Variants in RNF145 observed in about 807,000 individuals in gnomAD.
The protein encoded by RNF145 is ring finger protein 145.
Under a neutral mutation model 57.3 loss-of-function variants are expected in RNF145, and 12 were observed. The observed-to-expected ratio is 0.21, with a 90% CI of 0.13 to 0.34. RNF145 has a LOEUF of 0.34. Among genes scored for constraint, RNF145 ranks in the 10% least tolerant of loss-of-function variants. RNF145 has a pLI of 1.00. For synonymous variants in RNF145, 262 were observed against 288.3 expected (o/e 0.91, Z 0.92); for missense variants, 429 against 799.0 (o/e 0.54, Z 5.58).
intron 1 of RNF145, among the ~76,000 whole-genome samples, chr5:159,203,886 T>C (rs551490733): frequency 6.6e-6 from 1 of 152,316 alleles, no homozygotes; most frequent in East Asian, 1.9e-4. Flanking sequence ...GATTAAATGT[T>C]CTGGCCTCAA....
At chr5:159,209,711 G>A, upstream of RNF145, 1 of 1,058,436 alleles carries the variant, frequency 9.4e-7, no homozygotes, top group Non-Finnish European at 1.4e-6. Context: ...GCCTAGCCAA[G>A]CCCATACAGC....
intron 3 of RNF145, among the ~76,000 whole-genome samples, chr5:159,185,701 A>C (rs1324112526): frequency 6.6e-6 from 1 of 152,246 alleles, no homozygotes; most frequent in East Asian, 1.9e-4. Context: ...ACAATTTTTC[A>C]TTTCAGAAGA....
intron 5 of RNF145, among the ~76,000 whole-genome samples, chr5:159,176,265 G>T (rs1784716351): frequency 6.6e-6 from 1 of 152,006 alleles, no homozygotes; most frequent in Non-Finnish European, 1.5e-5. Context: ...ATGGAACATT[G>T]TCTGCCTGGT....
chr5:159,184,526 G>A (rs1171124587), intron 3 of RNF145, among the ~76,000 whole-genome samples: 1 of 152,134 alleles, frequency 6.6e-6, no homozygotes, highest in Non-Finnish European at 1.5e-5. Context: ...GATCAGTGCT[G>A]TAAGAAAAAA....
chr5:159,164,332 G>C (rs1784326141), intron 8 of RNF145, among the ~76,000 whole-genome samples: 1 of 152,126 alleles, frequency 6.6e-6, no homozygotes, highest in Non-Finnish European at 1.5e-5. Flanking sequence ...TTTAAAGAAA[G>C]GCAGTAGCTG....
intron 3 of RNF145, among the ~76,000 whole-genome samples, chr5:159,187,494 A>AT (rs1245732154): frequency 4.6e-5 from 7 of 151,588 alleles, no homozygotes; most frequent in Admixed American, 2.6e-4. Context: ...TGCCCGGCTA[A>AT]TTTTTTGTAT....
At chr5:159,199,316 A>G (rs1304049852) in intron 2 of RNF145, among the ~76,000 whole-genome samples, 1 of 152,108 alleles carries the variant, frequency 6.6e-6, no homozygotes, top group Non-Finnish European at 1.5e-5. Context: ...GGCAATATCA[A>G]CACTTGAGAA....
chr5:159,180,145 A>T (rs543784870), intron 4 of RNF145, among the ~76,000 whole-genome samples: 16 of 151,968 alleles, frequency 1.1e-4, no homozygotes, highest in African/African-American at 3.9e-4. Flanking sequence ...ACTTAACTGG[A>T]CTCTTACAAT....
At position 159,186,398 on chromosome 5, in the gene RNF145, G is replaced by A. The variant is rs1464713147; in HGVS notation, c.294-4347C>T. 2.6e-5 allele frequency among the ~76,000 whole-genome samples: 4 copies of A among 152,144 alleles called. No homozygotes were observed. The East Asian group carries it at 7.7e-4, about 29-fold the overall frequency. On this transcript the variant is annotated intron_variant, in intron 3 of 10. Transcript: ENST00000424310. ...CCTTTATTATAACAGTCTCTTCAGC[G>A]ACCTGACTCAGACACTGGACAACCT...
chr5:159,159,739 T>C (rs1784152563), intron 10 of RNF145, among the ~76,000 whole-genome samples: 1 of 152,252 alleles, frequency 6.6e-6, no homozygotes, highest in Admixed American at 6.5e-5. Flanking sequence ...ACCACTGGAA[T>C]AAGGAGTGGT....
intron 1 of RNF145, chr5:159,208,261 A>G (rs1238124073): frequency 1.4e-6 from 1 of 722,172 alleles, no homozygotes; most frequent in African/African-American, 1.8e-5. Context: ...GATTACGTTC[A>G]GCAAAAACTC....
At chr5:159,194,653 T>C (rs1458654760) in intron 3 of RNF145, 63 bp downstream of exon 3, 12 of 1,086,684 alleles carry the variant, frequency 1.1e-5, no homozygotes, top group Non-Finnish European at 1.5e-5. Flanking sequence ...TGAAAAGTAT[T>C]TTATTGGCAA....
intron 3 of RNF145, among the ~76,000 whole-genome samples, chr5:159,185,987 G>A (rs1360480751): frequency 6.6e-6 from 1 of 152,154 alleles, no homozygotes; most frequent in African/African-American, 2.4e-5. Flanking sequence ...ACTTTGGGAG[G>A]CCGAGGCAGA....
At chr5:159,201,702 TA>T (rs1290133442) in intron 2 of RNF145, among the ~76,000 whole-genome samples, 1 of 152,118 alleles carries the variant, frequency 6.6e-6, no homozygotes, top group African/African-American at 2.4e-5. Flanking sequence ...AACATCTGTA[TA>T]AAAAGGGGGG....
rs1196700105 is a variant in RNF145 at position 159,205,145 on chromosome 5, A to G, written c.-39-1489T>C. 2.0e-5 allele frequency among the ~76,000 whole-genome samples: 3 copies of G among 151,498 alleles called. No homozygotes were observed. In the East Asian group the frequency reaches 5.8e-4, roughly 29 times the overall value. ...TCAATAAAAGCTTTTCAATAATCATATATCAACCATTCCCATAACCCAAAT... is the reference window on the plus strand; with the variant it reads ...TCAATAAAAGCTTTTCAATAATCATGTATCAACCATTCCCATAACCCAAAT... On this transcript the variant is annotated intron_variant, in intron 1 of 10. Transcript: ENST00000424310.
At chr5:159,185,658 T>G (rs1441512749) in intron 3 of RNF145, among the ~76,000 whole-genome samples, 1 of 152,224 alleles carries the variant, frequency 6.6e-6, no homozygotes, top group Non-Finnish European at 1.5e-5. Flanking sequence ...ATGATTCTCT[T>G]AAGACTCAGG....
chr5:159,180,254 A>C (rs1182577212), intron 4 of RNF145, among the ~76,000 whole-genome samples: 2 of 151,972 alleles, frequency 1.3e-5, no homozygotes, highest in African/African-American at 4.8e-5. Flanking sequence ...CGTTCCTATC[A>C]CTGTGGCTCT....
At chr5:159,207,603 A>G in intron 1 of RNF145, 1 of 1,594,400 alleles carries the variant, frequency 6.3e-7, no homozygotes, top group Non-Finnish European at 8.5e-7. Context: ...GAAAATGTTA[A>G]GAGCACAAAG....
Position 159,175,501 on chromosome 5 carries a change from A to T in RNF145, c.621+1131T>A, listed in dbSNP as rs532173568. Among the ~76,000 whole-genome samples the T allele has an allele frequency of 1.1e-4, 17 of 152,292 alleles. No homozygotes were observed. The East Asian group carries it at 2.9e-3, about 26-fold the overall frequency. The stretch of plus-strand genomic sequence containing the variant: ...AATAAGTATTTACTGAATATTCATT[A>T]TTTATTACAAACAAAGATAACCCTC... On this transcript the variant is annotated intron_variant, in intron 5 of 10. Transcript: ENST00000424310.
Sources: gnomAD v4.1 joint callset for allele counts (sites outside exome capture counted in the v4.1 genomes callset) on GRCh38, gnomAD v4.1.1 for gene constraint, MANE v1.5 for transcripts, NCBI Gene and HGNC (gene_info 2026-07-23, HGNC 2026-07-21) for gene names.